Variants in C12orf42 observed in about 807,000 individuals in gnomAD.
The protein encoded by C12orf42 is chromosome 12 open reading frame 42.
A neutral mutation model predicts 21.6 loss-of-function variants in C12orf42; 25 were observed. The observed-to-expected ratio is 1.16, with a 90% CI of 0.84 to 1.62. The LOEUF is 1.62. C12orf42 is among the 40% of genes most tolerant of loss of function. The pLI, the probability that C12orf42 is intolerant of heterozygous loss-of-function variation, is 0.00. For synonymous variants in C12orf42, 174 were observed against 175.0 expected (o/e 0.99, Z 0.05); for missense variants, 483 against 459.3 (o/e 1.05, Z -0.47).
At chr12:103,298,543 T>C (rs543817343), downstream of C12orf42, among the ~76,000 whole-genome samples, 2 of 152,302 alleles carry the variant, frequency 1.3e-5, no homozygotes, top group Admixed American at 6.5e-5. Flanking sequence ...AGGTAATTTA[T>C]AGATTCAATG....
At chr12:103,411,125 C>T (rs1403818367) in intron 2 of C12orf42, among the ~76,000 whole-genome samples, 2 of 152,204 alleles carry the variant, frequency 1.3e-5, no homozygotes, top group Non-Finnish European at 2.9e-5. Flanking sequence ...CTTGTCCATG[C>T]TGTAGTGCAT....
chr12:103,199,191 A>G, the C12orf42 span, among the ~76,000 whole-genome samples: 2 of 152,230 alleles, frequency 1.3e-5, no homozygotes, highest in African/African-American at 4.8e-5. Context: ...TCACAACAGT[A>G]CCAAGAATAC....
chr12:103,128,205 G>A, the C12orf42 span, among the ~76,000 whole-genome samples: 4 of 152,292 alleles, frequency 2.6e-5, no homozygotes, highest in African/African-American at 7.2e-5. Flanking sequence ...AATATGGGAA[G>A]TCCTTGGTAC....
At chr12:103,445,838 G>C (rs1951542515) in intron 2 of C12orf42, among the ~76,000 whole-genome samples, 1 of 151,960 alleles carries the variant, frequency 6.6e-6, no homozygotes, top group African/African-American at 2.4e-5. Flanking sequence ...AGGTCATGAA[G>C]ATGTTCTTCT....
At chr12:103,118,913 T>C in the C12orf42 span, among the ~76,000 whole-genome samples, 2 of 152,100 alleles carry the variant, frequency 1.3e-5, no homozygotes, top group African/African-American at 4.8e-5. Flanking sequence ...TTCTTAAAGA[T>C]TTAGCCCTTG....
At chr12:103,115,072 G>A in the C12orf42 span, among the ~76,000 whole-genome samples, 4 of 152,156 alleles carry the variant, frequency 2.6e-5, no homozygotes, top group African/African-American at 7.2e-5. Flanking sequence ...TGTAAAAACG[G>A]CATTGAGTTC....
intron 4 of C12orf42, among the ~76,000 whole-genome samples, chr12:103,306,638 A>G (rs2038362937): frequency 6.6e-6 from 1 of 152,126 alleles, no homozygotes; most frequent in Non-Finnish European, 1.5e-5. Context: ...TATCTAGCAG[A>G]TAGTATTATT....
the C12orf42 span, among the ~76,000 whole-genome samples, chr12:103,551,401 T>C: frequency 6.6e-6 from 1 of 152,198 alleles, no homozygotes; most frequent in Non-Finnish European, 1.5e-5. Flanking sequence ...TCTGTAATCC[T>C]AATGTTTTGG....
rs140855081 is a variant in C12orf42, at chr12:103,383,237, G to A, written c.148-14239C>T. On this transcript the variant is annotated intron_variant, in intron 3 of 5. Transcript: ENST00000548883. ...TTGCCTCAGCCACTCGAGTAGCTGA[G>A]ATTACAGGTGCCTGCCACCATGCTT... Among the ~76,000 whole-genome samples the A allele has an allele frequency of 1.8e-4, 28 of 151,914 alleles. No homozygotes were observed. In the East Asian group the frequency reaches 5.4e-3, roughly 29 times the overall value.
the C12orf42 span, among the ~76,000 whole-genome samples, chr12:103,133,021 G>A: frequency 6.6e-6 from 1 of 152,138 alleles, no homozygotes; most frequent in Non-Finnish European, 1.5e-5. Flanking sequence ...AGGTCTGACT[G>A]GGCTGGCTTT....
intron 5 of C12orf42, among the ~76,000 whole-genome samples, chr12:103,274,625 G>A (rs1189947207): frequency 6.6e-6 from 1 of 152,072 alleles, no homozygotes; most frequent in Non-Finnish European, 1.5e-5. Context: ...TTTTTCTACT[G>A]TTTGTGTCTG....
At chr12:103,541,337 A>G in the C12orf42 span, among the ~76,000 whole-genome samples, 3 of 152,218 alleles carry the variant, frequency 2.0e-5, no homozygotes, top group African/African-American at 7.2e-5. Flanking sequence ...AATCACATAG[A>G]GTTATGCTCC....
the C12orf42 span, among the ~76,000 whole-genome samples, chr12:103,108,648 A>T: frequency 2.0e-5 from 3 of 152,166 alleles, no homozygotes; most frequent in African/African-American, 7.2e-5. Context: ...GTAAGTAAAC[A>T]TAAGTATTGA....
chr12:103,174,234 A>G, the C12orf42 span, among the ~76,000 whole-genome samples: 1 of 152,230 alleles, frequency 6.6e-6, no homozygotes, highest in East Asian at 1.9e-4. Context: ...ATGCTCTGCC[A>G]AAAGTCACAC....
chr12:103,238,972 C>T (rs2033594003), intron 10 of C12orf42, among the ~76,000 whole-genome samples: 1 of 152,176 alleles, frequency 6.6e-6, no homozygotes, highest in South Asian at 2.1e-4. Context: ...GAATTGTGGG[C>T]AACTGTGGCT....
the C12orf42 span, among the ~76,000 whole-genome samples, chr12:103,547,436 C>A: frequency 8.5e-5 from 13 of 152,342 alleles, no homozygotes; most frequent in Non-Finnish European, 1.5e-4. Context: ...ATACAATCTT[C>A]AATCAGGTCG....
At chr12:103,434,830 G>A (rs1046317939) in intron 2 of C12orf42, among the ~76,000 whole-genome samples, 1 of 152,164 alleles carries the variant, frequency 6.6e-6, no homozygotes, top group African/African-American at 2.4e-5. Flanking sequence ...GGGGAGGGGC[G>A]ACTGCCGTTG....
the C12orf42 span, among the ~76,000 whole-genome samples, chr12:103,199,166 T>C: frequency 2.0e-5 from 3 of 152,172 alleles, no homozygotes; most frequent in Non-Finnish European, 4.4e-5. Flanking sequence ...CAGGCATATA[T>C]GGTCAACTGA....
the C12orf42 span, among the ~76,000 whole-genome samples, chr12:103,058,801 T>C: frequency 6.6e-6 from 1 of 151,930 alleles, no homozygotes; most frequent in Non-Finnish European, 1.5e-5. Context: ...AAAGACAAGG[T>C]ACCAGAATCT....
Sources: gnomAD v4.1 joint callset for allele counts (sites outside exome capture counted in the v4.1 genomes callset) on GRCh38, gnomAD v4.1.1 for gene constraint, MANE v1.5 for transcripts, NCBI Gene and HGNC (gene_info 2026-07-23, HGNC 2026-07-21) for gene names.